Variants in SGCD observed in about 807,000 individuals in gnomAD.
SGCD encodes the protein sarcoglycan delta.
A neutral mutation model predicts 36.6 loss-of-function variants in SGCD; 18 were observed. The ratio of observed to expected loss-of-function variants is 0.49; its 90% CI spans 0.34 to 0.73. SGCD has a LOEUF of 0.73. Among genes scored for constraint, SGCD ranks in the 30% least tolerant of loss-of-function variants. The pLI, the probability that SGCD is intolerant of heterozygous loss-of-function variation, is 0.01. For synonymous variants in SGCD, 133 were observed against 130.6 expected (o/e 1.02, Z -0.12); for missense variants, 387 against 346.7 (o/e 1.12, Z -0.92).
intron 7 of SGCD, among the ~76,000 whole-genome samples, chr5:156,740,338 A>G (rs1010463026): frequency 6.6e-6 from 1 of 152,262 alleles, no homozygotes; most frequent in African/African-American, 2.4e-5. Context: ...CTGGAAGTAG[A>G]AATTAAACTG....
chr5:156,289,837 TG>T (rs1039928061), intron 3 of SGCD, among the ~76,000 whole-genome samples: 1 of 151,978 alleles, frequency 6.6e-6, no homozygotes, highest in Non-Finnish European at 1.5e-5. Flanking sequence ...ATTCAATAAA[TG>T]TTCTCTGAGA....
the SGCD span, among the ~76,000 whole-genome samples, chr5:155,838,892 A>G: frequency 6.6e-6 from 1 of 152,234 alleles, no homozygotes; most frequent in South Asian, 2.1e-4. Flanking sequence ...TGACTGAGGC[A>G]GGCATCTCAA....
At chr5:155,880,753 A>G (rs1021399254) in intron 1 of SGCD, among the ~76,000 whole-genome samples, 25 of 152,096 alleles carry the variant, frequency 1.6e-4, no homozygotes, top group Non-Finnish European at 1.5e-5. Flanking sequence ...TTGCATTTGC[A>G]TTCTCAACAG....
intron 1 of SGCD, among the ~76,000 whole-genome samples, chr5:155,984,866 TTTTG>T (rs1007925057): frequency 6.6e-6 from 1 of 152,192 alleles, no homozygotes; most frequent in African/African-American, 2.4e-5. Context: ...TTTATGTAAA[TTTTG>T]TTTGTTTAAT....
intron 1 of SGCD, among the ~76,000 whole-genome samples, chr5:156,010,580 A>T (rs1283759649): frequency 1.3e-5 from 2 of 152,212 alleles, no homozygotes; most frequent in Non-Finnish European, 2.9e-5. Context: ...TGTAACTTTA[A>T]TCTGTAATAA....
At chr5:155,814,362 C>T in the SGCD span, among the ~76,000 whole-genome samples, 1 of 152,188 alleles carries the variant, frequency 6.6e-6, no homozygotes, top group Non-Finnish European at 1.5e-5. Context: ...CTTTCTTTAT[C>T]CTCCAACACT....
chr5:155,758,723 T>G, the SGCD span, among the ~76,000 whole-genome samples: 1 of 152,154 alleles, frequency 6.6e-6, no homozygotes, highest in Non-Finnish European at 1.5e-5. Context: ...TAGAACAGTT[T>G]CATTCCCAAA....
At chr5:155,988,894 A>T (rs1758382849) in intron 1 of SGCD, among the ~76,000 whole-genome samples, 2 of 152,218 alleles carry the variant, frequency 1.3e-5, no homozygotes, top group South Asian at 4.1e-4. Flanking sequence ...TAACTATTAT[A>T]GTTTTTGAAG....
the SGCD span, among the ~76,000 whole-genome samples, chr5:155,821,101 C>G: frequency 6.6e-6 from 1 of 151,982 alleles, no homozygotes; most frequent in Non-Finnish European, 1.5e-5. Context: ...AAGCAAGAGC[C>G]AGAAAAAGCA....
chr5:155,946,032 A>G (rs899617003), intron 1 of SGCD, among the ~76,000 whole-genome samples: 3 of 152,112 alleles, frequency 2.0e-5, no homozygotes, highest in Admixed American at 2.0e-4. Flanking sequence ...TGAAACATGG[A>G]TAGGAAACTG....
chr5:156,073,615 T>C (rs10476275), intron 1 of SGCD, among the ~76,000 whole-genome samples: 2,810 of 152,254 alleles, frequency 0.018, 79 homozygotes, highest in African/African-American at 0.063. Flanking sequence ...TATTTTCTAT[T>C]CGTGTACAGA....
chr5:155,901,640 A>G (rs1420437356), intron 1 of SGCD, among the ~76,000 whole-genome samples: 1 of 152,190 alleles, frequency 6.6e-6, no homozygotes, highest in Non-Finnish European at 1.5e-5. Context: ...GGTAAGAAAA[A>G]AAAGTTACCT....
chr5:156,054,119 G>A (rs1399723011), intron 1 of SGCD, among the ~76,000 whole-genome samples: 1 of 145,702 alleles, frequency 6.9e-6, no homozygotes, highest in Non-Finnish European at 1.5e-5. Flanking sequence ...TGTCAAGTAA[G>A]AAATTGGGAA....
intron 6 of SGCD, among the ~76,000 whole-genome samples, chr5:156,646,861 TA>T (rs1270412688): frequency 6.6e-6 from 1 of 152,176 alleles, no homozygotes; most frequent in Non-Finnish European, 1.5e-5. Context: ...AGTCAAGAGC[TA>T]AATGTCTAGA....
At chr5:156,370,202 A>T (rs1580885814) in intron 3 of SGCD, among the ~76,000 whole-genome samples, 1 of 152,148 alleles carries the variant, frequency 6.6e-6, no homozygotes, top group African/African-American at 2.4e-5. Context: ...AGTTTCATGG[A>T]GGGAGACCTC....
the SGCD span, among the ~76,000 whole-genome samples, chr5:155,784,183 C>T: frequency 6.6e-6 from 1 of 152,074 alleles, no homozygotes; most frequent in African/African-American, 2.4e-5. Flanking sequence ...CCCCTCTAGG[C>T]CTTGAGGGTT....
chr5:156,050,810 T>A (rs931717955), intron 1 of SGCD, among the ~76,000 whole-genome samples: 3 of 146,486 alleles, frequency 2.0e-5, no homozygotes, highest in African/African-American at 7.4e-5. Flanking sequence ...TTATCCTCCA[T>A]CTTCAAAATT....
chr5:155,852,667 T>A, the SGCD span, among the ~76,000 whole-genome samples: 1 of 152,128 alleles, frequency 6.6e-6, no homozygotes, highest in Non-Finnish European at 1.5e-5. Context: ...AAATGAATAT[T>A]GACTTTGGGG....
chr5:156,669,960 C>G (rs1483944587), intron 7 of SGCD, among the ~76,000 whole-genome samples: 1 of 152,144 alleles, frequency 6.6e-6, no homozygotes, highest in Admixed American at 6.6e-5. Context: ...CTAGACATTA[C>G]TAGACCATCT....
Sources: gnomAD v4.1 joint callset for allele counts (sites outside exome capture counted in the v4.1 genomes callset) on GRCh38, gnomAD v4.1.1 for gene constraint, MANE v1.5 for transcripts, NCBI Gene and HGNC (gene_info 2026-07-23, HGNC 2026-07-21) for gene names.